ATL1: variants seen among roughly 807,000 people sequenced by gnomAD.
The protein encoded by ATL1 is atlastin-1.
In ATL1, 31 loss-of-function variants were observed where a neutral mutation model predicts 75.5. The observed-to-expected ratio is 0.41, with a 90% CI of 0.31 to 0.55. The LOEUF (loss-of-function observed/expected upper bound fraction) is 0.55, where lower values mean the gene tolerates loss of function less well. Among genes scored for constraint, ATL1 ranks in the 20% least tolerant of loss-of-function variants. The pLI, the probability that ATL1 is intolerant of heterozygous loss-of-function variation, is 0.27. For missense variants in ATL1, 405 were observed against 662.6 expected (o/e 0.61, Z 4.27); for synonymous variants, 226 against 233.3 (o/e 0.97, Z 0.28).
rs561078557 is a variant in ATL1, at chr14:50,602,098, T to C, written c.630+6466T>C. On this transcript the variant is annotated intron_variant, in intron 6 of 13. Transcript: ENST00000358385. ...TACGACTAATTCTGGATATTTTTGA[T>C]GTTGTCAGACATTATTTGAAGTTCA... Among the ~76,000 whole-genome samples, 3 of 152,340 alleles carry C rather than the reference T, an allele frequency of 2.0e-5. No individual in the cohort carries two copies. In the East Asian group the frequency reaches 5.8e-4, roughly 29 times the overall value.
chr14:50,614,861 T>C (rs867110738), intron 8 of ATL1, among the ~76,000 whole-genome samples: 61 of 152,206 alleles, frequency 4.0e-4, no homozygotes, highest in African/African-American at 1.2e-3. Context: ...GTCTATAGTA[T>C]TGGAATTCTG....
At chr14:50,565,475 A>G (rs2038894686) in intron 1 of ATL1, among the ~76,000 whole-genome samples, 1 of 67,714 alleles carries the variant, frequency 1.5e-5, no homozygotes. Flanking sequence ...GCAGAATGAG[A>G]CTTCATCTCA....
intron 12 of ATL1, chr14:50,628,715 T>G (rs1852771762): frequency 3.6e-6 from 2 of 550,284 alleles, no homozygotes; most frequent in South Asian, 3.4e-5. Context: ...TATATATACT[T>G]TTTTTTCTTT....
chr14:50,628,503 T>G (rs756151411), intron 12 of ATL1, 41 bp downstream of exon 12: 4 of 1,587,040 alleles, frequency 2.5e-6, no homozygotes, highest in Non-Finnish European at 3.4e-6. Context: ...CAGCACACAT[T>G]TGAATGTCAT....
At chr14:50,533,883 T>C (rs921232204) in intron 1 of ATL1, among the ~76,000 whole-genome samples, 1 of 152,256 alleles carries the variant, frequency 6.6e-6, no homozygotes, top group African/African-American at 2.4e-5. Context: ...ATGTATTTTC[T>C]TGTGCTCCAC....
intron 1 of ATL1, among the ~76,000 whole-genome samples, chr14:50,576,347 G>A (rs1219066243): frequency 6.6e-6 from 1 of 152,122 alleles, no homozygotes; most frequent in Admixed American, 6.5e-5. Context: ...AAGTTGAGGA[G>A]CATCTGTATA....
At chr14:50,576,107 C>CT (rs2039003749) in intron 1 of ATL1, among the ~76,000 whole-genome samples, 1 of 152,098 alleles carries the variant, frequency 6.6e-6, no homozygotes, top group African/African-American at 2.4e-5. Context: ...TATAACCATT[C>CT]TTTTTTCACT....
chr14:50,576,008 A>G (rs1741633945), intron 1 of ATL1, among the ~76,000 whole-genome samples: 1 of 152,148 alleles, frequency 6.6e-6, no homozygotes, highest in Non-Finnish European at 1.5e-5. Context: ...GACTATCCTC[A>G]ACTTATGATG....
At chr14:50,568,126 T>C (rs1431487831) in intron 1 of ATL1, among the ~76,000 whole-genome samples, 1 of 152,240 alleles carries the variant, frequency 6.6e-6, no homozygotes, top group African/African-American at 2.4e-5. Flanking sequence ...GAACTATTTC[T>C]TCTTTCAATT....
At chr14:50,604,903 G>A (rs1048491360) in intron 6 of ATL1, among the ~76,000 whole-genome samples, 4 of 152,006 alleles carry the variant, frequency 2.6e-5, no homozygotes, top group Non-Finnish European at 4.4e-5. Flanking sequence ...AAATTTAAAG[G>A]TGATCCTAGA....
chr14:50,564,336 A>G (rs1183956027), intron 1 of ATL1, among the ~76,000 whole-genome samples: 1 of 152,170 alleles, frequency 6.6e-6, no homozygotes, highest in Non-Finnish European at 1.5e-5. Context: ...CAGATAGTGC[A>G]AAACTGCTTT....
At chr14:50,601,434 G>T (rs2039270824) in intron 6 of ATL1, among the ~76,000 whole-genome samples, 1 of 152,158 alleles carries the variant, frequency 6.6e-6, no homozygotes, top group African/African-American at 2.4e-5. Flanking sequence ...CTGGCAAAAT[G>T]TTTAAAACTG....
chr14:50,587,395 C>A (rs1343829333), intron 1 of ATL1, among the ~76,000 whole-genome samples: 1 of 152,150 alleles, frequency 6.6e-6, no homozygotes, highest in East Asian at 1.9e-4. Context: ...ACAAACATTT[C>A]TTTTCTTTCT....
intron 1 of ATL1, among the ~76,000 whole-genome samples, chr14:50,539,274 C>T (rs2038532304): frequency 6.6e-6 from 1 of 152,124 alleles, no homozygotes; most frequent in Admixed American, 6.5e-5. Context: ...AAAGATCAAT[C>T]TCTAGCACTT....
At chr14:50,596,836 T>C (rs938181399) in intron 6 of ATL1, among the ~76,000 whole-genome samples, 3 of 151,886 alleles carry the variant, frequency 2.0e-5, no homozygotes, top group Non-Finnish European at 4.4e-5. Flanking sequence ...AAATGGTACT[T>C]AGAGGGAAAA....
chr14:50,562,286 C>T (rs1034368892), intron 1 of ATL1, among the ~76,000 whole-genome samples: 5 of 152,136 alleles, frequency 3.3e-5, no homozygotes, highest in Admixed American at 6.5e-5. Context: ...CCTCGTGATC[C>T]GCCCGCCTCG....
intron 10 of ATL1, among the ~76,000 whole-genome samples, chr14:50,622,453 G>C (rs138102791): frequency 0.013 from 2,012 of 152,172 alleles, 48 homozygotes; most frequent in African/African-American, 0.046. Flanking sequence ...AGACCACGAG[G>C]TCAAGAGATC....
intron 1 of ATL1, among the ~76,000 whole-genome samples, chr14:50,544,317 C>G (rs1433181350): frequency 6.6e-6 from 1 of 152,226 alleles, no homozygotes; most frequent in Non-Finnish European, 1.5e-5. Context: ...TCTGTCCTTA[C>G]TATCAGAACC....
chr14:50,577,820 C>T (rs1422853296), intron 1 of ATL1, among the ~76,000 whole-genome samples: 1 of 152,116 alleles, frequency 6.6e-6, no homozygotes, highest in Non-Finnish European at 1.5e-5. Flanking sequence ...CCTATTATAG[C>T]ATGTATTGGT....
Sources: allele counts gnomAD v4.1 joint callset (sites outside exome capture counted in the v4.1 genomes callset), GRCh38; gene constraint gnomAD v4.1.1; transcripts MANE v1.5; gene names NCBI Gene and HGNC (gene_info 2026-07-23, HGNC 2026-07-21).